OR6Y1: variants seen among roughly 807,000 people sequenced by gnomAD.
The protein encoded by OR6Y1 is olfactory receptor family 6 subfamily Y member 1.
OR6Y1 carries 1 observed loss-of-function variant against 0.4 expected under a neutral mutation model. That is an observed-to-expected ratio of 2.74 (90% CI 0.97 to 13.02). The LOEUF (loss-of-function observed/expected upper bound fraction) is 13.02. OR6Y1 is among the 30% of genes most tolerant of loss of function. OR6Y1 has a pLI of 0.12. For missense variants in OR6Y1, 480 were observed against 399.8 expected, an observed-to-expected ratio of 1.20 and a Z score of -1.71; for synonymous variants, 173 against 141.1, an observed-to-expected ratio of 1.23 and a Z score of -1.60.
At chr1:158,551,814 C>G (rs577869972) in intron 1 of OR6Y1, among the ~76,000 whole-genome samples, 1 of 151,394 alleles carries the variant, frequency 6.6e-6, no homozygotes, top group African/African-American at 2.4e-5. Context: ...GCTCTAGAAA[C>G]ACAGGATTGT....
chr1:158,547,397 G>C lies in OR6Y1; in HGVS notation c.709C>G (p.Gln237Glu). The change falls in exon 2 of 2, where the codon CAG becomes GAG. Residue 237 changes from glutamine (Q) to glutamate (E), a missense_variant. By Grantham distance (29) the Gln-to-Glu change is conservative. Coordinates refer to ENST00000641622, the MANE Select transcript of OR6Y1 (RefSeq NM_001005189.2). ...LATILRIPSA[Q>E]GRQKAFSTCA... ...GTGGAGAATGCCTTTTGGCGGCCCT[G>C]AGCAGAAGGGATCCTGAGGATGGTG... 4 of 1,613,590 alleles carry C rather than the reference G, an allele frequency of 2.5e-6. No homozygotes were observed. Among genetic ancestry groups the C allele is most frequent in the Non-Finnish European group, 3.4e-6 (4 of 1,180,002 alleles).
chr1:158,551,306 C>G (rs1470398406), intron 1 of OR6Y1, among the ~76,000 whole-genome samples: 3 of 151,836 alleles, frequency 2.0e-5, no homozygotes, highest in African/African-American at 7.3e-5. Context: ...CTCACTTTTT[C>G]TTGTAGCCAA....
intron 1 of OR6Y1, among the ~76,000 whole-genome samples, chr1:158,550,403 A>T (rs1311340732): frequency 6.6e-6 from 1 of 151,496 alleles, no homozygotes; most frequent in East Asian, 1.9e-4. Context: ...CAAAGTAAAA[A>T]TACAAGGAAA....
In OR6Y1 at chr1:158,548,065, G is replaced by T. The variant is rs1476108748; in HGVS notation, c.41C>A (p.Thr14Lys). 4 of 1,613,326 alleles carry T rather than the reference G, an allele frequency of 2.5e-6. No individual in the cohort carries two copies. Among genetic ancestry groups the T allele is most frequent in the African/African-American group, 1.3e-5 (1 of 74,470 alleles). Residue 14 changes from threonine to lysine, a missense_variant, in exon 2 of 2, where the codon ACA (threonine) becomes AAA (lysine). By Grantham distance (78) the Thr-to-Lys change is moderately conservative. Coordinates refer to ENST00000641622, the MANE Select transcript of OR6Y1 (RefSeq NM_001005189.2). ...AAACCCCAGAAGAATGAAACGTGTT[G>T]TCACTGTATGATTATCTACTTCCAG... ...IILEVDNHTV[T>K]TRFILLGFPT... is the part of the protein sequence containing the mutation.
In OR6Y1 at chr1:158,546,507, C is replaced by T. The variant is rs1056977608; in HGVS notation, c.*621G>A. 1.3e-5 allele frequency: 2 copies of T among 151,838 alleles called. No homozygotes were observed. The highest frequency in any genetic ancestry group is 2.4e-5 in the African/African-American group (1 of 41,332). 9.4% of individuals were successfully genotyped at this position (151,838 alleles called of 1,614,324 possible). On this transcript the variant is annotated 3_prime_UTR_variant, in exon 2 of 2. Transcript: ENST00000641622. ...ATAAACTTAATCTTTTGTTTTTAAA[C>T]GCCTTAACAAATTAGTCATTTATGT...
Position 158,547,862 on chromosome 1 carries a change from T to C in OR6Y1, c.244A>G (p.Ile82Val). 1 of 1,613,598 alleles carries C rather than the reference T, an allele frequency of 6.2e-7. No individual in the cohort carries two copies. Among genetic ancestry groups the C allele is most frequent in the Non-Finnish European group, 8.5e-7 (1 of 1,180,018 alleles). Residue 82 changes from isoleucine to valine, a missense_variant, in exon 2 of 2, where the codon ATC becomes GTC. Physicochemically the swap from Ile to Val is conservative, Grantham distance 29. Transcript: ENST00000641622. ...AAGTCAACAAGCATCTTGGGGCTGA[T>C]GACTGTGACATACCACATCTCCAGG... The part of the protein sequence containing the change: ...SFLEMWYVTV[I>V]SPKMLVDFLS...
At position 158,545,024 on chromosome 1, in the gene OR6Y1, T is replaced by C. The variant is rs1647478840; in HGVS notation, c.*2104A>G. ...ATGTGCATGTGTCTTTATAGTAGAA[T>C]GATTTATATTCCTTTAGGTATATAC... is the stretch of plus-strand genomic sequence containing the variant. On this transcript the variant is annotated 3_prime_UTR_variant, in exon 2 of 2. Coordinates refer to ENST00000641622, the MANE Select transcript of OR6Y1 (RefSeq NM_001005189.2). 1 of 152,148 alleles carries C rather than the reference T, an allele frequency of 6.6e-6. No homozygotes were observed. The highest frequency in any genetic ancestry group is 2.4e-5 in the African/African-American group (1 of 41,442). 9.4% of individuals were successfully genotyped at this position (152,148 alleles called of 1,614,324 possible).
At chr1:158,552,544 G>A (rs1647730875) in intron 1 of OR6Y1, among the ~76,000 whole-genome samples, 1 of 152,024 alleles carries the variant, frequency 6.6e-6, no homozygotes, top group Admixed American at 6.6e-5. Context: ...ATGGGTCTAG[G>A]AAATGACCTA....
chr1:158,547,796 T>C lies in OR6Y1; in HGVS notation c.310A>G (p.Thr104Ala). The C allele has an allele frequency of 6.2e-7, 1 of 1,613,192 alleles. No homozygotes were observed. Among genetic ancestry groups the C allele is most frequent in the Non-Finnish European group, 8.5e-7 (1 of 1,179,922 alleles). The change falls in exon 2 of 2, where the codon ACT becomes GCT. Residue 104 changes from threonine to alanine, a missense_variant. Physicochemically the swap from Thr to Ala is moderately conservative, Grantham distance 58. Transcript: ENST00000641622. ...DKSISFNGCM[T>A]QLYFFVTFVC... ...AAGGTCACAAAAAAGTAAAGTTGAG[T>C]CATGCAGCCATTGAAGGAAATACTC...
chr1:158,552,350 C>T (rs1471411471), intron 1 of OR6Y1, among the ~76,000 whole-genome samples: 1 of 151,444 alleles, frequency 6.6e-6, no homozygotes, highest in East Asian at 1.9e-4. Flanking sequence ...CAAATATCAT[C>T]AGGCTATGGA....
At chr1:158,553,159 G>T (rs1221677694) in intron 1 of OR6Y1, among the ~76,000 whole-genome samples, 1 of 152,144 alleles carries the variant, frequency 6.6e-6, no homozygotes, top group Non-Finnish European at 1.5e-5. Context: ...TTTCCAACTA[G>T]GTCCTTTGGG....
chr1:158,553,805 T>C (rs139800180), intron 1 of OR6Y1, among the ~76,000 whole-genome samples: 2 of 152,312 alleles, frequency 1.3e-5, no homozygotes, highest in East Asian at 3.9e-4. Context: ...ATTTGGAATC[T>C]GTGCTTTGAA....
rs182416110 is a variant in OR6Y1 at position 158,545,616 on chromosome 1, C to G, written c.*1512G>C. The G allele has an allele frequency of 6.6e-6, 1 of 152,170 alleles. No homozygotes were observed. The highest frequency in any genetic ancestry group is 6.5e-5 in the Admixed American group (1 of 15,290). The allele number at this position is 152,170 out of a possible 1,614,324, so 9.4% of individuals were successfully genotyped here. A position where few individuals can be genotyped will look rare whatever the true frequency, so the allele number is the denominator to read the frequency against. ...CTTTTGAAAAGTGTCTGTTCACATC[C>G]TTTGCCCACTTTTAAATGGAGTTGT... is the stretch of plus-strand genomic sequence containing the variant. On this transcript the variant is annotated 3_prime_UTR_variant, in exon 2 of 2. Coordinates refer to ENST00000641622, the MANE Select transcript of OR6Y1 (RefSeq NM_001005189.2).
chr1:158,546,787 G>T lies in OR6Y1; in HGVS notation c.*341C>A, dbSNP rs1647547496. ...TTATATTTAATTGTTTGTCCTGTAT[G>T]GCATTTATTTTGATAAGTTGTGTGG... On this transcript the variant is annotated 3_prime_UTR_variant, in exon 2 of 2. Coordinates refer to ENST00000641622, the MANE Select transcript of OR6Y1 (RefSeq NM_001005189.2). 1 of 200,278 alleles carries T rather than the reference G, an allele frequency of 5.0e-6. No homozygotes were observed. The highest frequency in any genetic ancestry group is 5.3e-5 in the Admixed American group (1 of 18,942). 12.4% of individuals were successfully genotyped at this position (200,278 alleles called of 1,614,324 possible).
chr1:158,553,487 T>A (rs1647752008), intron 1 of OR6Y1, among the ~76,000 whole-genome samples: 1 of 152,152 alleles, frequency 6.6e-6, no homozygotes, highest in Non-Finnish European at 1.5e-5. Flanking sequence ...TCTGATCTGA[T>A]CATGGTTCAT....
At chr1:158,553,442 T>C (rs10797027) in intron 1 of OR6Y1, among the ~76,000 whole-genome samples, 73,406 of 151,750 alleles carry the variant, frequency 0.48, 17,839 homozygotes, top group East Asian at 0.58. Flanking sequence ...CACTAAGCAA[T>C]TGTCAATGTT....
rs550620162 is a variant in OR6Y1 at position 158,548,780 on chromosome 1, T to G, written c.-675A>C. The G allele has an allele frequency of 6.6e-6, 1 of 151,994 alleles. No homozygotes were observed. Among genetic ancestry groups the G allele is most frequent in the East Asian group, 1.9e-4 (1 of 5,190 alleles). 9.4% of individuals were successfully genotyped at this position (151,994 alleles called of 1,614,324 possible). Reference sequence around the variant, plus strand: ...GCTTAGGAGTTTGACAAAAGTGCATTCAAATCCAACTTTTGTCTTTGTATA... The same window carrying G: ...GCTTAGGAGTTTGACAAAAGTGCATGCAAATCCAACTTTTGTCTTTGTATA... On this transcript the variant is annotated 5_prime_UTR_variant, in exon 2 of 2. Coordinates refer to ENST00000641622, the MANE Select transcript of OR6Y1 (RefSeq NM_001005189.2).
In OR6Y1 at chr1:158,546,467, A is replaced by G. The variant is rs1361694874; in HGVS notation, c.*661T>C. The stretch of plus-strand genomic sequence containing the variant: ...ATAATAAAAATTAGTAATAGTTTTC[A>G]CTTTGTTATTTGGTATAAACTTAAT... On this transcript the variant is annotated 3_prime_UTR_variant, in exon 2 of 2. Coordinates refer to ENST00000641622, the MANE Select transcript of OR6Y1 (RefSeq NM_001005189.2). The G allele has an allele frequency of 1.3e-5, 2 of 152,132 alleles. No homozygotes were observed. The highest frequency in any genetic ancestry group is 4.8e-5 in the African/African-American group (2 of 41,414). 9.4% of individuals were successfully genotyped at this position (152,132 alleles called of 1,614,324 possible).
chr1:158,553,114 TC>T (rs572762604), intron 1 of OR6Y1, among the ~76,000 whole-genome samples: 39 of 152,338 alleles, frequency 2.6e-4, no homozygotes, highest in Non-Finnish European at 1.0e-4. Context: ...TTTATAACTT[TC>T]CAAAACCATG....
Sources: gnomAD v4.1 joint callset for allele counts (sites outside exome capture counted in the v4.1 genomes callset) on GRCh38, gnomAD v4.1.1 for gene constraint, MANE v1.5 for transcripts, NCBI Gene and HGNC (gene_info 2026-07-23, HGNC 2026-07-21) for gene names.